Variants in ADARB2 observed in about 807,000 individuals in gnomAD.
The protein encoded by ADARB2 is inactive double-stranded RNA-specific editase B2.
A neutral mutation model predicts 62.2 loss-of-function variants in ADARB2; 25 were observed. That is an observed-to-expected ratio of 0.40 (90% CI 0.29 to 0.56). ADARB2 has a LOEUF of 0.56. ADARB2 is among the 20% of genes least tolerant of loss of function. The pLI, the probability that ADARB2 is intolerant of heterozygous loss-of-function variation, is 0.43. For synonymous variants in ADARB2, 572 were observed against 500.8 expected, an observed-to-expected ratio of 1.14 and a Z score of -1.90; for missense variants, 1,071 against 1,077.4, an observed-to-expected ratio of 0.99 and a Z score of 0.08.
At chr10:1,527,906 G>A (rs1156884165) in intron 1 of ADARB2, among the ~76,000 whole-genome samples, 1 of 152,148 alleles carries the variant, frequency 6.6e-6, no homozygotes, top group African/African-American at 2.4e-5. Context: ...TTATCATTCT[G>A]GATGCACAAA....
At chr10:1,302,701 C>CTCAAGTGG (rs2131818316) in intron 3 of ADARB2, among the ~76,000 whole-genome samples, 1 of 152,364 alleles carries the variant, frequency 6.6e-6, no homozygotes, top group Non-Finnish European at 1.5e-5. Context: ...AGACTGCCTC[C>CTCAAGTGG]TCAAGTGGGT....
chr10:1,691,025 CTGAA>C (rs1459097719), intron 1 of ADARB2, among the ~76,000 whole-genome samples: 8 of 152,290 alleles, frequency 5.3e-5, no homozygotes, highest in South Asian at 2.1e-4. Flanking sequence ...CTATTATGGG[CTGAA>C]TGGTGTCCCC....
At chr10:1,262,557 G>GAGAAAT (rs55901649) in intron 4 of ADARB2, among the ~76,000 whole-genome samples, 59,555 of 151,462 alleles carry the variant, frequency 0.39, 12,270 homozygotes, top group Non-Finnish European at 0.46. Context: ...CTGGCTATCA[G>GAGAAAT]AGAAATACAA....
At chr10:1,354,562 C>A (rs1043951127) in intron 3 of ADARB2, among the ~76,000 whole-genome samples, 1 of 152,168 alleles carries the variant, frequency 6.6e-6, no homozygotes, top group African/African-American at 2.4e-5. Context: ...TTCACAGGTA[C>A]GTGCATGAAA....
At chr10:1,512,021 T>C (rs1234338591) in intron 1 of ADARB2, among the ~76,000 whole-genome samples, 2 of 151,690 alleles carry the variant, frequency 1.3e-5, no homozygotes, top group Non-Finnish European at 2.9e-5. Flanking sequence ...TACCAAGAGG[T>C]CAATGCTGTC....
At chr10:1,604,106 A>G (rs538948990) in intron 1 of ADARB2, among the ~76,000 whole-genome samples, 243 of 152,226 alleles carry the variant, frequency 1.6e-3, no homozygotes, top group Non-Finnish European at 2.5e-3. Flanking sequence ...CCTCTGGCCA[A>G]TATTTTATAT....
intron 1 of ADARB2, among the ~76,000 whole-genome samples, chr10:1,543,110 G>C (rs1306373918): frequency 6.6e-6 from 1 of 152,232 alleles, no homozygotes; most frequent in African/African-American, 2.4e-5. Flanking sequence ...TTCCACCCTG[G>C]GGCGGTGTGG....
intron 3 of ADARB2, among the ~76,000 whole-genome samples, chr10:1,359,675 C>T (rs1177146711): frequency 2.6e-5 from 4 of 152,168 alleles, no homozygotes; most frequent in Non-Finnish European, 4.4e-5. Flanking sequence ...TTTGGGAGGC[C>T]CTGCTTCCTG....
At chr10:1,735,568 T>C (rs1271528229) in intron 1 of ADARB2, among the ~76,000 whole-genome samples, 2 of 152,256 alleles carry the variant, frequency 1.3e-5, no homozygotes, top group African/African-American at 2.4e-5. Flanking sequence ...ATATTCATTA[T>C]TCAATCCGGT....
At chr10:1,277,599 G>C (rs1221697689) in intron 3 of ADARB2, among the ~76,000 whole-genome samples, 1 of 152,182 alleles carries the variant, frequency 6.6e-6, no homozygotes, top group Non-Finnish European at 1.5e-5. Flanking sequence ...CTCTGAAATT[G>C]AGGCAATAAT....
chr10:1,327,492 C>T lies in ADARB2; in HGVS notation c.1077+35536G>A, dbSNP rs866890263. Reference sequence around the variant, plus strand: ...TGCACAGCGCCTCCTCACTGCACAGCGCCTCCTCACTGCCCAGCGCCTCCC... The same window carrying T: ...TGCACAGCGCCTCCTCACTGCACAGTGCCTCCTCACTGCCCAGCGCCTCCC... On this transcript the variant is annotated intron_variant, in intron 3 of 9. Transcript: ENST00000381312. Among the ~76,000 whole-genome samples the T allele has an allele frequency of 2.5e-4, 20 of 79,798 alleles. 5 individuals carry two copies. Among genetic ancestry groups the T allele is most frequent in the African/African-American group, 1.1e-3 (20 of 18,518 alleles). 52.4% of individuals were successfully genotyped at this position (79,798 alleles called of 152,430 possible). A position where few individuals can be genotyped will look rare whatever the true frequency, so the allele number is the denominator to read the frequency against.
At chr10:1,535,270 C>T (rs1241007114) in intron 1 of ADARB2, among the ~76,000 whole-genome samples, 1 of 152,168 alleles carries the variant, frequency 6.6e-6, no homozygotes, top group Non-Finnish European at 1.5e-5. Context: ...GTAAGCTGTC[C>T]AGGAGAATCC....
intron 3 of ADARB2, among the ~76,000 whole-genome samples, chr10:1,271,409 G>C (rs904971342): frequency 3.3e-5 from 5 of 152,286 alleles, no homozygotes; most frequent in Admixed American, 3.3e-4. Context: ...GGCGGGGAGG[G>C]AATTTTTATA....
intron 3 of ADARB2, among the ~76,000 whole-genome samples, chr10:1,329,078 A>C (rs934623332): frequency 6.6e-6 from 1 of 151,302 alleles, no homozygotes. Context: ...GTTCAGACAC[A>C]CTGCTCTGAT....
intron 2 of ADARB2, among the ~76,000 whole-genome samples, chr10:1,364,678 C>T (rs1757242871): frequency 2.0e-5 from 3 of 152,152 alleles, no homozygotes; most frequent in Admixed American, 1.3e-4. Context: ...ATTTGCATAG[C>T]GTTTACACTG....
chr10:1,715,947 C>G (rs754152287), intron 1 of ADARB2, among the ~76,000 whole-genome samples: 7 of 152,244 alleles, frequency 4.6e-5, no homozygotes, highest in Non-Finnish European at 1.0e-4. Flanking sequence ...TCTCGCCCGA[C>G]TGCTAACTTG....
At chr10:1,736,623 G>T (rs1295326013) in intron 1 of ADARB2, among the ~76,000 whole-genome samples, 2 of 152,198 alleles carry the variant, frequency 1.3e-5, no homozygotes, top group Non-Finnish European at 2.9e-5. Flanking sequence ...CCTTCCTCCG[G>T]GACAGTTTGG....
At chr10:1,271,437 C>T (rs1831261794) in intron 3 of ADARB2, among the ~76,000 whole-genome samples, 1 of 152,170 alleles carries the variant, frequency 6.6e-6, no homozygotes, top group Non-Finnish European at 1.5e-5. Flanking sequence ...TGGGCCACCG[C>T]AGTCTTCTGA....
intron 1 of ADARB2, among the ~76,000 whole-genome samples, chr10:1,422,976 C>T (rs545450402): frequency 3.9e-5 from 6 of 152,260 alleles, no homozygotes; most frequent in African/African-American, 4.8e-5. Context: ...TTCTTATGGC[C>T]GAGAGCCCTG....
Sources: gnomAD v4.1 joint callset for allele counts (sites outside exome capture counted in the v4.1 genomes callset) on GRCh38, gnomAD v4.1.1 for gene constraint, MANE v1.5 for transcripts, NCBI Gene and HGNC (gene_info 2026-07-23, HGNC 2026-07-21) for gene names.